PHKB: variants seen among roughly 807,000 people sequenced by gnomAD.
PHKB encodes the protein phosphorylase kinase regulatory subunit beta, also known as phosphorylase b kinase regulatory subunit beta.
In PHKB, 122 loss-of-function variants were observed where a neutral mutation model predicts 152.1. That is an observed-to-expected ratio of 0.80 (90% CI 0.69 to 0.93). The LOEUF (loss-of-function observed/expected upper bound fraction) is 0.93. PHKB is among the 40% of genes least tolerant of loss of function. PHKB has a pLI of 0.00. For missense variants in PHKB, 1,304 were observed against 1,328.4 expected (o/e 0.98, Z 0.29); for synonymous variants, 436 against 464.9 (o/e 0.94, Z 0.80).
At chr16:47,607,873 C>A (rs1392715327) in intron 13 of PHKB, among the ~76,000 whole-genome samples, 2 of 152,040 alleles carry the variant, frequency 1.3e-5, no homozygotes, top group Non-Finnish European at 2.9e-5. Context: ...TTAATTGTAG[C>A]CTTCCTAATG....
chr16:47,518,150 C>G (rs1307558339), intron 6 of PHKB, among the ~76,000 whole-genome samples: 1 of 152,016 alleles, frequency 6.6e-6, no homozygotes, highest in Non-Finnish European at 1.5e-5. Flanking sequence ...ATCTAAGGAC[C>G]CAGGATGTCA....
intron 9 of PHKB, among the ~76,000 whole-genome samples, chr16:47,588,584 G>T (rs1319550856): frequency 6.6e-6 from 1 of 152,108 alleles, no homozygotes; most frequent in Non-Finnish European, 1.5e-5. Flanking sequence ...CATTTAGGTT[G>T]TTTCCTCTTT....
intron 7 of PHKB, among the ~76,000 whole-genome samples, chr16:47,552,071 A>G (rs191045904): frequency 1.3e-5 from 2 of 152,058 alleles, no homozygotes; most frequent in East Asian, 1.9e-4. Flanking sequence ...TTGCTTGGTA[A>G]ATACTCCTCC....
chr16:47,689,356 A>T (rs975933933), intron 27 of PHKB, among the ~76,000 whole-genome samples, 181 bp downstream of exon 27: 12 of 152,204 alleles, frequency 7.9e-5, no homozygotes, highest in Non-Finnish European at 1.3e-4. Flanking sequence ...TCTGTCTTCA[A>T]TTATTATTTT....
chr16:47,565,387 T>C (rs1971547757), intron 7 of PHKB: 7 of 1,065,428 alleles, frequency 6.6e-6, no homozygotes, highest in Non-Finnish European at 1.0e-5. Flanking sequence ...GAGCTACTTT[T>C]CCCCCACCAC....
At chr16:47,538,892 G>T (rs1339676188) in intron 6 of PHKB, among the ~76,000 whole-genome samples, 1 of 152,106 alleles carries the variant, frequency 6.6e-6, no homozygotes, top group Non-Finnish European at 1.5e-5. Flanking sequence ...CTTCTTAAAA[G>T]TATATACATT....
intron 14 of PHKB, 118 bp from the exon 15 acceptor site, chr16:47,640,917 G>T: frequency 2.2e-6 from 2 of 915,612 alleles, no homozygotes; most frequent in Non-Finnish European, 3.6e-6. Context: ...GAGCCAGCTG[G>T]TGTCCATCAT....
chr16:47,650,870 C>T lies in PHKB; in HGVS notation c.1920C>T (p.Ala640=). 6.2e-7 allele frequency: 1 copy of T among 1,613,618 alleles called. No homozygotes were observed. The highest frequency in any genetic ancestry group is 8.5e-7 in the Non-Finnish European group (1 of 1,179,760). ...RFNPILDMLA[A]LKKGIIGGVK... ...ACCCCATATTAGATATGCTGGCAGC[C>T]CTTAAAAAAGGAATAATTGGAGGAG... The change falls in exon 20 of 31, where the codon GCC becomes GCT. Residue 640 remains alanine, a synonymous_variant. Transcript: ENST00000323584.
chr16:47,587,732 G>C lies in PHKB; in HGVS notation c.839G>C (p.Cys280Ser), dbSNP rs769249736. 1.9e-6 allele frequency: 3 copies of C among 1,613,254 alleles called. No homozygotes were observed. In the East Asian group the frequency reaches 6.7e-5, roughly 36 times the overall value. The change falls in exon 9 of 31, where the codon TGC (cysteine) becomes TCC (serine). Residue 280 changes from cysteine to serine, a missense_variant. Coordinates refer to ENST00000323584, the MANE Select transcript of PHKB (RefSeq NM_000293.3). ...CACAATCGCAACAGGCAAACTTTGT[G>C]CTCGCTGTTACCCAGAGAATCAAGA... is the stretch of plus-strand genomic sequence containing the variant. ...DAHNRNRQTL[C>S]SLLPRESRSH...
In PHKB at chr16:47,610,833, A is replaced by T. The variant is rs780154582; in HGVS notation, c.1371A>T (p.Glu457Asp). 1 of 1,595,194 alleles carries T rather than the reference A, an allele frequency of 6.3e-7. No individual in the cohort carries two copies. Among genetic ancestry groups the T allele is most frequent in the Non-Finnish European group, 8.6e-7 (1 of 1,162,962 alleles). Residue 457 changes from glutamate (E) to aspartate (D), a missense_variant, in exon 14 of 31, where the codon GAA (glutamate) becomes GAT (aspartate). Glu to Asp is a conservative substitution (Grantham distance 45). Coordinates refer to ENST00000323584, the MANE Select transcript of PHKB (RefSeq NM_000293.3). ...TCCCCTTCTTTTTTTCAGCTGATGAACTTATTAGTCCTAAAGACATTGATC... is the reference window on the plus strand; with the variant it reads ...TCCCCTTCTTTTTTTCAGCTGATGATCTTATTAGTCCTAAAGACATTGATC... Reference protein sequence around the residue: ...LYIIAKLLADELISPKDIDPV... With the variant: ...LYIIAKLLADDLISPKDIDPV...
At position 47,660,561 on chromosome 16, in the gene PHKB, C is replaced by G; in HGVS notation, c.2027C>G (p.Thr676Arg). The change falls in exon 21 of 31, where the codon ACA becomes AGA. Residue 676 changes from threonine to arginine, a missense_variant. By Grantham distance (71) the Thr-to-Arg change is moderately conservative. Transcript: ENST00000323584. Reference protein sequence around the residue: ...EQLDFLRISDTEELPEFKSFE... With the variant: ...EQLDFLRISDREELPEFKSFE... ...CTTGATTTCCTACGAATCAGTGACA[C>G]AGAAGAGTAAGTCCCTTTGGGTTAT... 6.2e-7 allele frequency: 1 copy of G among 1,613,220 alleles called. No individual in the cohort carries two copies. Among genetic ancestry groups the G allele is most frequent in the Non-Finnish European group, 8.5e-7 (1 of 1,179,198 alleles).
At chr16:47,696,635 C>G (rs1974152909) in intron 29 of PHKB, 147 bp downstream of exon 29, 1 of 688,198 alleles carries the variant, frequency 1.5e-6, no homozygotes, top group East Asian at 2.7e-5. Context: ...CCTATTCTTT[C>G]CGGAACCTTG....
At chr16:47,561,026 C>T (rs1294484836) in intron 7 of PHKB, among the ~76,000 whole-genome samples, 1 of 152,102 alleles carries the variant, frequency 6.6e-6, no homozygotes, top group Non-Finnish European at 1.5e-5. Context: ...AAACATGATC[C>T]ATGGTGGTTG....
intron 7 of PHKB, among the ~76,000 whole-genome samples, chr16:47,557,421 G>T (rs1038100771): frequency 1.3e-5 from 2 of 152,118 alleles, no homozygotes; most frequent in Non-Finnish European, 2.9e-5. Flanking sequence ...CACAGCAAAA[G>T]AAACTACCAC....
chr16:47,594,098 A>T, intron 11 of PHKB, 39 bp from the exon 12 acceptor site: 1 of 1,055,244 alleles, frequency 9.5e-7, no homozygotes, highest in Non-Finnish European at 1.5e-6. Flanking sequence ...GATCCTTATT[A>T]AGCTCAGCTG....
At position 47,661,164 on chromosome 16, in the gene PHKB, C is replaced by G. The variant is rs532587214; in HGVS notation, c.2196+345C>G. On this transcript the variant is annotated intron_variant, in intron 22 of 30. Coordinates refer to ENST00000323584, the MANE Select transcript of PHKB (RefSeq NM_000293.3). ...TCTGCCCCCATCTTGTCCCCTGCCCCAGTGTTTAGGTCTAATGCTTGCTTT... is the reference window on the plus strand; with the variant it reads ...TCTGCCCCCATCTTGTCCCCTGCCCGAGTGTTTAGGTCTAATGCTTGCTTT... Among the ~76,000 whole-genome samples the G allele has an allele frequency of 5.9e-5, 9 of 152,206 alleles. No individual in the cohort carries two copies. The East Asian group carries it at 1.7e-3, about 29-fold the overall frequency.
chr16:47,575,499 CA>C (rs1016783351), intron 7 of PHKB, among the ~76,000 whole-genome samples: 2 of 151,956 alleles, frequency 1.3e-5, no homozygotes, highest in African/African-American at 2.4e-5. Flanking sequence ...TATATGTACA[CA>C]AAAAAATACT....
chr16:47,566,102 G>A, intron 7 of PHKB: 2 of 656,884 alleles, frequency 3.0e-6, no homozygotes, highest in Non-Finnish European at 5.5e-6. Context: ...GGGAATCATA[G>A]CCTCTATCAT....
chr16:47,669,126 C>T (rs1973590303), intron 25 of PHKB, 89 bp from the exon 26 acceptor site: 1 of 928,858 alleles, frequency 1.1e-6, no homozygotes, highest in African/African-American at 1.6e-5. Context: ...GTAATTTCAG[C>T]CTGCCAGTCA....
Sources: allele counts gnomAD v4.1 joint callset (sites outside exome capture counted in the v4.1 genomes callset), GRCh38; gene constraint gnomAD v4.1.1; transcripts MANE v1.5; gene names NCBI Gene and HGNC (gene_info 2026-07-23, HGNC 2026-07-21).